The following LRMDA variants were observed in gnomAD, a reference collection of about 807,000 sequenced individuals.
LRMDA encodes the protein leucine rich melanocyte differentiation associated, also known as leucine-rich melanocyte differentiation-associated protein.
Under a neutral mutation model 29.8 loss-of-function variants are expected in LRMDA, and 18 were observed. The ratio of observed to expected loss-of-function variants is 0.60; its 90% CI spans 0.42 to 0.90. LRMDA has a LOEUF of 0.90. LRMDA is among the 40% of genes least tolerant of loss of function. The probability of loss-of-function intolerance (pLI) is 0.00; values close to 1 mark genes in which losing one functional copy is unlikely to be tolerated. For synonymous variants in LRMDA, 125 were observed against 109.4 expected (o/e 1.14, Z -0.89); for missense variants, 273 against 273.9 (o/e 1.00, Z 0.02).
intron 5 of LRMDA, among the ~76,000 whole-genome samples, chr10:76,184,454 A>G (rs1475858024): frequency 1.3e-5 from 2 of 152,256 alleles, no homozygotes; most frequent in Admixed American, 6.5e-5. Context: ...TAACAAAAGA[A>G]TAGAGAAAAA....
intron 5 of LRMDA, among the ~76,000 whole-genome samples, chr10:76,118,093 AC>A (rs1470111229): frequency 2.6e-5 from 4 of 152,320 alleles, no homozygotes; most frequent in Non-Finnish European, 5.9e-5. Flanking sequence ...CCCTAAGGAT[AC>A]TTTGGGGTGT....
intron 2 of LRMDA, among the ~76,000 whole-genome samples, chr10:75,811,445 G>C (rs559405427): frequency 6.6e-6 from 1 of 152,226 alleles, no homozygotes; most frequent in South Asian, 2.1e-4. Flanking sequence ...TGCCTCAGGT[G>C]CTGCTGCGCT....
intron 2 of LRMDA, among the ~76,000 whole-genome samples, chr10:75,836,982 GA>G (rs1180235868): frequency 6.6e-6 from 1 of 152,030 alleles, no homozygotes; most frequent in African/African-American, 2.4e-5. Context: ...AGAATGAATA[GA>G]AAAAATATCT....
chr10:75,707,740 G>A (rs541327160), intron 2 of LRMDA, among the ~76,000 whole-genome samples: 2 of 152,294 alleles, frequency 1.3e-5, no homozygotes, highest in Admixed American at 6.5e-5. Context: ...GCTGGTGGCC[G>A]TGTTGTTTGG....
chr10:75,709,144 T>C (rs1011129575), intron 2 of LRMDA, among the ~76,000 whole-genome samples: 1 of 152,170 alleles, frequency 6.6e-6, no homozygotes, highest in Non-Finnish European at 1.5e-5. Flanking sequence ...AACATAACAA[T>C]TCTATGTTAA....
chr10:76,333,511 C>G lies in LRMDA; in HGVS notation c.601+9026C>G, dbSNP rs546384969. Among the ~76,000 whole-genome samples the G allele has an allele frequency of 4.8e-4, 73 of 152,238 alleles. 1 individual carries two copies. The highest frequency in any genetic ancestry group is 1.5e-3 in the African/African-American group (63 of 41,542). ...ACTTGGTAACAGATGGGGAAGACAG[C>G]TGGGGCCTGGATAGATACTGCCAGG... On this transcript the variant is annotated intron_variant, in intron 6 of 6. Coordinates refer to ENST00000611255, the MANE Select transcript of LRMDA (RefSeq NM_001305581.2).
chr10:75,630,956 T>C (rs1054403098), intron 2 of LRMDA, among the ~76,000 whole-genome samples: 1 of 152,226 alleles, frequency 6.6e-6, no homozygotes, highest in African/African-American at 2.4e-5. Context: ...GTCTGTTTAC[T>C]TGGGGCCTGC....
intron 4 of LRMDA, 138 bp from the exon 5 acceptor site, chr10:76,058,528 A>C (rs974449381): frequency 1.4e-6 from 1 of 716,728 alleles, no homozygotes; most frequent in Non-Finnish European, 2.5e-6. Context: ...ATTCTTTGTG[A>C]AAGAAGAGAG....
intron 6 of LRMDA, among the ~76,000 whole-genome samples, chr10:76,430,774 A>G (rs1383858875): frequency 6.6e-6 from 1 of 152,218 alleles, no homozygotes; most frequent in Non-Finnish European, 1.5e-5. Flanking sequence ...CAAGGGTGGC[A>G]GTATAGAATA....
chr10:76,353,685 G>A (rs1384757932), intron 6 of LRMDA, among the ~76,000 whole-genome samples: 1 of 152,116 alleles, frequency 6.6e-6, no homozygotes, highest in East Asian at 1.9e-4. Flanking sequence ...GCACAGTCTG[G>A]AGTCTTGGCT....
chr10:76,476,350 G>A (rs1232818917), intron 6 of LRMDA, among the ~76,000 whole-genome samples: 2 of 152,030 alleles, frequency 1.3e-5, no homozygotes, highest in African/African-American at 4.8e-5. Flanking sequence ...ACTAAACCAG[G>A]AAGAAGCAAA....
chr10:75,868,873 T>G (rs1845063131), intron 2 of LRMDA, among the ~76,000 whole-genome samples: 1 of 152,164 alleles, frequency 6.6e-6, no homozygotes, highest in Admixed American at 6.5e-5. Context: ...TGCAGCTCCG[T>G]CCTGTGTGAA....
chr10:75,572,242 G>A (rs988964529), intron 2 of LRMDA, among the ~76,000 whole-genome samples: 3 of 152,244 alleles, frequency 2.0e-5, no homozygotes, highest in East Asian at 1.9e-4. Context: ...ATGAGCCACC[G>A]TGCCTGGATT....
intron 6 of LRMDA, among the ~76,000 whole-genome samples, chr10:76,537,206 C>T (rs1200482594): frequency 1.3e-5 from 2 of 152,152 alleles, no homozygotes; most frequent in Admixed American, 1.3e-4. Flanking sequence ...GTGTACATTC[C>T]CTGCCCCACA....
intron 5 of LRMDA, among the ~76,000 whole-genome samples, chr10:76,080,896 C>T (rs1327966708): frequency 1.3e-5 from 2 of 152,164 alleles, no homozygotes; most frequent in Non-Finnish European, 2.9e-5. Context: ...CTTATATTTT[C>T]AGTTAGCAGG....
intron 6 of LRMDA, among the ~76,000 whole-genome samples, chr10:76,391,787 C>T (rs889809164): frequency 5.9e-5 from 9 of 152,114 alleles, no homozygotes; most frequent in African/African-American, 2.2e-4. Context: ...GGAGCCTAAT[C>T]TTTTATGGTC....
At chr10:76,416,329 A>C (rs1388650764) in intron 6 of LRMDA, among the ~76,000 whole-genome samples, 1 of 152,098 alleles carries the variant, frequency 6.6e-6, no homozygotes, top group Non-Finnish European at 1.5e-5. Context: ...TGTGTCAAAT[A>C]TTTTTCAGAG....
chr10:75,980,601 T>A (rs761701080), intron 2 of LRMDA, among the ~76,000 whole-genome samples: 4 of 152,056 alleles, frequency 2.6e-5, no homozygotes, highest in East Asian at 1.9e-4. Flanking sequence ...GAACTGAACA[T>A]GAGCAGCATG....
intron 2 of LRMDA, among the ~76,000 whole-genome samples, chr10:75,747,774 T>C (rs1280788929): frequency 6.6e-6 from 1 of 152,222 alleles, no homozygotes; most frequent in Non-Finnish European, 1.5e-5. Flanking sequence ...GTCAAGTAGC[T>C]TTCCCAGGCT....
Sources: gnomAD v4.1 joint callset for allele counts (sites outside exome capture counted in the v4.1 genomes callset) on GRCh38, gnomAD v4.1.1 for gene constraint, MANE v1.5 for transcripts, NCBI Gene and HGNC (gene_info 2026-07-23, HGNC 2026-07-21) for gene names.